The following GIPC2 variants were observed in gnomAD, a reference collection of about 807,000 sequenced individuals.
The protein encoded by GIPC2 is GIPC PDZ domain containing family member 2.
Under a neutral mutation model 30.6 loss-of-function variants are expected in GIPC2, and 30 were observed. The observed-to-expected ratio is 0.98, with a 90% CI of 0.73 to 1.33. The LOEUF is 1.33. Ranked by LOEUF, GIPC2 falls within the 40% of genes most tolerant of loss-of-function variation. GIPC2 has a pLI of 0.00. For synonymous variants in GIPC2, 167 were observed against 150.0 expected (o/e 1.11, Z -0.83); for missense variants, 414 against 390.3 (o/e 1.06, Z -0.51).
At chr1:78,107,345 C>G (rs1571513559) in intron 3 of GIPC2, among the ~76,000 whole-genome samples, 1 of 151,812 alleles carries the variant, frequency 6.6e-6, no homozygotes, top group Admixed American at 6.6e-5. Context: ...GGATCTCACT[C>G]CTTTGCCCAG....
chr1:78,065,164 G>T (rs967090662), intron 1 of GIPC2, among the ~76,000 whole-genome samples: 1 of 152,118 alleles, frequency 6.6e-6, no homozygotes, highest in African/African-American at 2.4e-5. Context: ...TGTAGAGGTA[G>T]GATCTCATTA....
chr1:78,085,756 G>A (rs1288935681), intron 2 of GIPC2, among the ~76,000 whole-genome samples: 1 of 151,952 alleles, frequency 6.6e-6, no homozygotes, highest in Non-Finnish European at 1.5e-5. Flanking sequence ...TGTGGGGTCA[G>A]TGGTTACATT....
chr1:78,046,342 G>C lies in GIPC2; in HGVS notation c.240+8G>C. 1 of 1,605,776 alleles carries C rather than the reference G, an allele frequency of 6.2e-7. No individual in the cohort carries two copies. Among genetic ancestry groups the C allele is most frequent in the Non-Finnish European group, 8.5e-7 (1 of 1,176,748 alleles). ...GAAATCTCGCCGTCGGAGGTAAGGC[G>C]CCAGGTGCTCAGGCTCTCCCGCCTC... On this transcript the variant is annotated splice_region_variant and intron_variant, in intron 1 of 5. Coordinates refer to ENST00000370759, the MANE Select transcript of GIPC2 (RefSeq NM_017655.6).
intron 1 of GIPC2, among the ~76,000 whole-genome samples, chr1:78,071,747 CT>C (rs1661623849): frequency 6.6e-6 from 1 of 152,056 alleles, no homozygotes; most frequent in Admixed American, 6.6e-5. Flanking sequence ...AAATTCAAAG[CT>C]GTGTTTATAT....
chr1:78,087,451 C>A (rs1446522673), intron 2 of GIPC2, among the ~76,000 whole-genome samples: 3 of 152,110 alleles, frequency 2.0e-5, no homozygotes, highest in Non-Finnish European at 4.4e-5. Context: ...TGCACAGCTA[C>A]AACCACCTGA....
intron 3 of GIPC2, among the ~76,000 whole-genome samples, chr1:78,116,972 A>C (rs1490950832): frequency 6.6e-6 from 1 of 151,796 alleles, no homozygotes; most frequent in African/African-American, 2.4e-5. Context: ...AGTCCCACCA[A>C]CAGTGTAAAA....
chr1:78,133,957 T>G (rs1316865521), intron 5 of GIPC2, among the ~76,000 whole-genome samples: 2 of 152,206 alleles, frequency 1.3e-5, no homozygotes, highest in African/African-American at 4.8e-5. Context: ...TGTGACACTT[T>G]CTTACTTTCT....
At chr1:78,134,258 C>G (rs1319924700) in intron 5 of GIPC2, among the ~76,000 whole-genome samples, 1 of 151,808 alleles carries the variant, frequency 6.6e-6, no homozygotes, top group Non-Finnish European at 1.5e-5. Context: ...TTCTTATTTT[C>G]TCCCTTTCCC....
chr1:78,124,916 G>A (rs950718873), intron 4 of GIPC2, among the ~76,000 whole-genome samples: 2 of 152,224 alleles, frequency 1.3e-5, no homozygotes, highest in African/African-American at 4.8e-5. Context: ...GGCAGAGGTT[G>A]CAGTGAGCTG....
rs370334417 is a variant in GIPC2 at position 78,107,100 on chromosome 1, C to T, written c.607+11968C>T. Among the ~76,000 whole-genome samples, 488 of 146,750 alleles carry T rather than the reference C, an allele frequency of 3.3e-3. 4 individuals carry two copies. The highest frequency in any genetic ancestry group is 0.012 in the African/African-American group (473 of 39,888). On this transcript the variant is annotated intron_variant, in intron 3 of 5. Transcript: ENST00000370759. ...TCTCTTTCTCCCTCCCTCTTTCCCT[C>T]CCTTTCTTTCCCTACCTTTTTCCTT...
chr1:78,080,976 A>C, intron 2 of GIPC2, 116 bp downstream of exon 2: 1 of 496,954 alleles, frequency 2.0e-6, no homozygotes, highest in Non-Finnish European at 3.6e-6. Flanking sequence ...GCAAGGATGC[A>C]TGAATTGGTA....
At chr1:78,085,800 C>T (rs1016429008) in intron 2 of GIPC2, among the ~76,000 whole-genome samples, 1 of 151,116 alleles carries the variant, frequency 6.6e-6, no homozygotes, top group Non-Finnish European at 1.5e-5. Flanking sequence ...TTATTTAGAT[C>T]TTCTCTCTTT....
At position 78,130,172 on chromosome 1, in the gene GIPC2, C is replaced by T. The variant is rs528537542; in HGVS notation, c.796+4210C>T. On this transcript the variant is annotated intron_variant, in intron 5 of 5. Coordinates refer to ENST00000370759, the MANE Select transcript of GIPC2 (RefSeq NM_017655.6). ...AGGCTGGAGTGCAGTGGCACAATCT[C>T]GCTCACTGCAACCCCCGCCTCCCGG... 1.4e-3 allele frequency among the ~76,000 whole-genome samples: 215 copies of T among 148,766 alleles called. 1 individual carries two copies. The highest frequency in any genetic ancestry group is 5.2e-3 in the African/African-American group (210 of 40,320).
chr1:78,047,844 A>G (rs1450612475), intron 1 of GIPC2, among the ~76,000 whole-genome samples: 1 of 152,228 alleles, frequency 6.6e-6, no homozygotes. Context: ...GTACAAAGTG[A>G]TTGGCCCTTA....
chr1:78,135,434 G>T (rs911167717), intron 5 of GIPC2, among the ~76,000 whole-genome samples, 158 bp from the exon 6 acceptor site: 2 of 152,184 alleles, frequency 1.3e-5, no homozygotes, highest in Non-Finnish European at 2.9e-5. Context: ...GTGTGTGAGA[G>T]AGGGTATCTT....
At chr1:78,069,239 G>A (rs1450277340) in intron 1 of GIPC2, 2 of 254,744 alleles carry the variant, frequency 7.9e-6, no homozygotes, top group Non-Finnish European at 1.2e-5. Context: ...CTATCCCTGG[G>A]GCAGGAGATG....
At chr1:78,082,824 A>G (rs1260254411) in intron 2 of GIPC2, among the ~76,000 whole-genome samples, 1 of 152,160 alleles carries the variant, frequency 6.6e-6, no homozygotes, top group African/African-American at 2.4e-5. Context: ...GGGAGAGGAT[A>G]ATTTCAAACT....
At position 78,125,350 on chromosome 1, in the gene GIPC2, A is replaced by G. The variant is rs114688829; in HGVS notation, c.715-531A>G. 5.7e-3 allele frequency among the ~76,000 whole-genome samples: 864 copies of G among 152,166 alleles called. 10 individuals are homozygous for G. The highest frequency in any genetic ancestry group is 0.02 in the African/African-American group (835 of 41,510). ...CTACCACACCCAGCTAATTATTTTAATTAATTAATTAATTTTTTTTGTAGA... is the reference window on the plus strand; with the variant it reads ...CTACCACACCCAGCTAATTATTTTAGTTAATTAATTAATTTTTTTTGTAGA... On this transcript the variant is annotated intron_variant, in intron 4 of 5. Coordinates refer to ENST00000370759, the MANE Select transcript of GIPC2 (RefSeq NM_017655.6).
At chr1:78,065,661 A>C (rs11162411) in intron 1 of GIPC2, among the ~76,000 whole-genome samples, 1 of 151,986 alleles carries the variant, frequency 6.6e-6, no homozygotes, top group Non-Finnish European at 1.5e-5. Flanking sequence ...CTATAGGGCT[A>C]TAGTAACCAA....
Sources: allele counts gnomAD v4.1 joint callset (sites outside exome capture counted in the v4.1 genomes callset), GRCh38; gene constraint gnomAD v4.1.1; transcripts MANE v1.5; gene names NCBI Gene and HGNC (gene_info 2026-07-23, HGNC 2026-07-21).